Variants in GGA2 observed in about 807,000 individuals in gnomAD.
The protein encoded by GGA2 is ADP-ribosylation factor-binding protein GGA2.
Under a neutral mutation model 79.5 loss-of-function variants are expected in GGA2, and 48 were observed. That is an observed-to-expected ratio of 0.60 (90% CI 0.48 to 0.77). The LOEUF (loss-of-function observed/expected upper bound fraction) is 0.77, where lower values mean the gene tolerates loss of function less well. Among genes scored for constraint, GGA2 ranks in the 30% least tolerant of loss-of-function variants. The pLI, the probability that GGA2 is intolerant of heterozygous loss-of-function variation, is 0.00. For synonymous variants in GGA2, 317 were observed against 302.0 expected, an observed-to-expected ratio of 1.05 and a Z score of -0.51; for missense variants, 770 against 774.0, an observed-to-expected ratio of 0.99 and a Z score of 0.06.
intron 4 of GGA2, among the ~76,000 whole-genome samples, chr16:23,492,363 G>A (rs1012230033): frequency 1.3e-5 from 2 of 152,156 alleles, no homozygotes; most frequent in African/African-American, 4.8e-5. Flanking sequence ...GGGCGGGCAG[G>A]GGGGTGTGAA....
intron 8 of GGA2, among the ~76,000 whole-genome samples, chr16:23,484,583 T>C (rs902300996): frequency 1.3e-5 from 2 of 152,210 alleles, no homozygotes; most frequent in Non-Finnish European, 2.9e-5. Context: ...GCAATGGATT[T>C]GCACAGACAT....
At chr16:23,490,739 G>GA (rs1199570785) in intron 5 of GGA2, among the ~76,000 whole-genome samples, 10,055 of 89,262 alleles carry the variant, frequency 0.11, 453 homozygotes, top group Non-Finnish European at 0.16. Context: ...TGTCTCAAAA[G>GA]AAAAAAAAAA....
intron 2 of GGA2, among the ~76,000 whole-genome samples, chr16:23,518,646 G>C (rs1965117103): frequency 6.6e-6 from 1 of 152,206 alleles, no homozygotes. Context: ...AGACTGGACT[G>C]CTAATTATAC....
chr16:23,506,823 C>T (rs1964978844), intron 1 of GGA2, among the ~76,000 whole-genome samples: 1 of 152,186 alleles, frequency 6.6e-6, no homozygotes, highest in African/African-American at 2.4e-5. Flanking sequence ...TTTGCATGTG[C>T]AATCATCTTG....
chr16:23,499,721 C>T (rs1270528663), intron 1 of GGA2, among the ~76,000 whole-genome samples: 5 of 152,224 alleles, frequency 3.3e-5, no homozygotes, highest in African/African-American at 7.2e-5. Flanking sequence ...CTCGGCCCCC[C>T]AAAGTGTTAG....
Position 23,465,430 on chromosome 16 carries a change from C to T in GGA2, c.*2160G>A. On this transcript the variant is annotated 3_prime_UTR_variant, in exon 17 of 17. Coordinates refer to ENST00000309859, the MANE Select transcript of GGA2 (RefSeq NM_015044.4). ...CCTCTCCTCCTACCCCTATCCTGTC[C>T]AACACCTAAGCATAGTAGTACCACT... is the stretch of plus-strand genomic sequence containing the variant. The T allele has an allele frequency of 1.4e-6, 1 of 702,956 alleles. No homozygotes were observed. The highest frequency in any genetic ancestry group is 1.5e-5 in the South Asian group (1 of 67,580). 43.5% of individuals were successfully genotyped at this position (702,956 alleles called of 1,614,324 possible).
At chr16:23,517,939 G>C (rs573493496) in intron 2 of GGA2, among the ~76,000 whole-genome samples, 19 of 150,796 alleles carry the variant, frequency 1.3e-4, no homozygotes, top group African/African-American at 4.6e-4. Flanking sequence ...TATTTTTTGA[G>C]ATGGAGTCTG....
chr16:23,491,132 T>C (rs1414454959), intron 5 of GGA2, among the ~76,000 whole-genome samples: 1 of 150,502 alleles, frequency 6.6e-6, no homozygotes. Context: ...GGGGTGTGGG[T>C]GGGAGAATAA....
intron 10 of GGA2, 101 bp from the exon 11 acceptor site, chr16:23,479,988 G>GT: frequency 9.3e-7 from 1 of 1,075,800 alleles, no homozygotes; most frequent in South Asian, 1.5e-5. Context: ...TAATCAAATG[G>GT]TAACGCCCTC....
At chr16:23,491,548 A>AAAAAC in intron 5 of GGA2, 129 bp downstream of exon 5, 1 of 522,630 alleles carries the variant, frequency 1.9e-6, no homozygotes, top group Non-Finnish European at 3.1e-6. Context: ...AAAAAAAAAA[A>AAAAAC]CTCTACCTCA....
chr16:23,486,261 C>A, intron 7 of GGA2, 109 bp from the exon 8 acceptor site: 1 of 956,190 alleles, frequency 1.0e-6, no homozygotes. Context: ...AGGGGCATCA[C>A]CAGGATGTTA....
chr16:23,494,304 G>A lies in GGA2; in HGVS notation c.251C>T (p.Thr84Met), dbSNP rs766785841. The change falls in exon 3 of 17, where the codon ACG becomes ATG. Residue 84 changes from threonine (T) to methionine (M), a missense_variant and splice_region_variant. Thr to Met is a moderately conservative substitution (Grantham distance 81). Coordinates refer to ENST00000309859, the MANE Select transcript of GGA2 (RefSeq NM_015044.4). Reference protein sequence around the residue: ...PQEKEALYALTVLEMCMNHCG... With the variant: ...PQEKEALYALMVLEMCMNHCG... ...GGCTACAAGGCAAGCCAAACTCACC[G>A]TTAAGGCATAAAGAGCTTCCTTCTC... 1.6e-5 allele frequency: 25 copies of A among 1,599,290 alleles called. No individual in the cohort carries two copies. The highest frequency in any genetic ancestry group is 6.6e-5 in the South Asian group (6 of 90,830).
chr16:23,475,069 G>A lies in GGA2; in HGVS notation c.1293-8C>T, dbSNP rs1449694454. The A allele has an allele frequency of 6.5e-7, 1 of 1,541,484 alleles. No individual in the cohort carries two copies. The highest frequency in any genetic ancestry group is 2.3e-5 in the East Asian group (1 of 43,412). ...TTCTGCGAAACATAATTCCTACAAA[G>A]AAATAAAAAATATCAAAGACTAGCA... On this transcript the variant is annotated splice_region_variant and splice_polypyrimidine_tract_variant and intron_variant, in intron 13 of 16. Coordinates refer to ENST00000309859, the MANE Select transcript of GGA2 (RefSeq NM_015044.4).
chr16:23,499,175 C>T (rs1207387238), intron 1 of GGA2, among the ~76,000 whole-genome samples: 3 of 144,656 alleles, frequency 2.1e-5, no homozygotes, highest in Non-Finnish European at 3.0e-5. Context: ...TATGGAGTCT[C>T]GCTCTGTCAC....
At chr16:23,507,147 A>G (rs1463212893) in intron 1 of GGA2, among the ~76,000 whole-genome samples, 4 of 152,146 alleles carry the variant, frequency 2.6e-5, no homozygotes, top group African/African-American at 9.7e-5. Flanking sequence ...CCCTCCCCAC[A>G]CATTTATTCT....
intron 1 of GGA2, among the ~76,000 whole-genome samples, chr16:23,496,984 G>A (rs1390831696): frequency 2.7e-5 from 4 of 149,828 alleles, no homozygotes; most frequent in South Asian, 2.1e-4. Flanking sequence ...TTAGCTGGGC[G>A]TGGTGGCATG....
intron 14 of GGA2, among the ~76,000 whole-genome samples, chr16:23,470,658 G>A (rs1187732672): frequency 6.6e-6 from 1 of 151,918 alleles, no homozygotes; most frequent in Non-Finnish European, 1.5e-5. Flanking sequence ...AGCCATTTGA[G>A]AGGCTGAGGC....
chr16:23,495,414 T>C (rs1194881191), intron 2 of GGA2: 2 of 237,542 alleles, frequency 8.4e-6, no homozygotes, highest in Admixed American at 5.5e-5. Context: ...AGAAAAATAA[T>C]GTTCTCAGGA....
At chr16:23,493,570 C>G (rs113890756) in intron 3 of GGA2, 112 bp from the exon 4 acceptor site, 1 of 730,174 alleles carries the variant, frequency 1.4e-6, no homozygotes. Flanking sequence ...CTAACCCTGC[C>G]TCAAGCCTAT....
Sources: allele counts gnomAD v4.1 joint callset (sites outside exome capture counted in the v4.1 genomes callset), GRCh38; gene constraint gnomAD v4.1.1; transcripts MANE v1.5; gene names NCBI Gene and HGNC (gene_info 2026-07-23, HGNC 2026-07-21).